Variants in CACNA1A observed in about 807,000 individuals in gnomAD.
The protein encoded by CACNA1A is voltage-dependent P/Q-type calcium channel subunit alpha-1A.
A neutral mutation model predicts 262.4 loss-of-function variants in CACNA1A; 57 were observed. The observed-to-expected ratio is 0.22, with a 90% confidence interval of 0.18 to 0.27. The LOEUF (loss-of-function observed/expected upper bound fraction) is 0.27, where lower values mean the gene tolerates loss of function less well. Among genes scored for constraint, CACNA1A ranks in the 10% least tolerant of loss-of-function variants. The pLI, the probability that CACNA1A is intolerant of heterozygous loss-of-function variation, is 1.00. For missense variants in CACNA1A, 2,526 were observed against 3,562.8 expected (o/e 0.71, Z 7.41); for synonymous variants, 1,431 against 1,419.3 (o/e 1.01, Z -0.18).
chr19:13,497,524 ATATATATATATAT>A, intron 1 of CACNA1A, among the ~76,000 whole-genome samples: 2 of 1,086 alleles, frequency 1.8e-3, no homozygotes, highest in Non-Finnish European at 2.9e-3. Flanking sequence ...AAAAAAAAAT[ATATATATATATAT>A]ATATATATAT....
chr19:13,428,840 T>C (rs1022755636), intron 3 of CACNA1A, among the ~76,000 whole-genome samples: 1 of 152,066 alleles, frequency 6.6e-6, no homozygotes, highest in Non-Finnish European at 1.5e-5. Flanking sequence ...TTCTACCATA[T>C]GTTCCCCCTG....
intron 3 of CACNA1A, among the ~76,000 whole-genome samples, chr19:13,424,361 C>A (rs189532985): frequency 6.6e-6 from 1 of 152,274 alleles, no homozygotes; most frequent in Non-Finnish European, 1.5e-5. Context: ...AAGAGTGAGA[C>A]TCCGTCACAA....
chr19:13,262,850 A>G lies in CACNA1A; in HGVS notation c.3990-17T>C. 2 of 1,566,572 alleles carry G rather than the reference A, an allele frequency of 1.3e-6. No homozygotes were observed. Among genetic ancestry groups the G allele is most frequent in the South Asian group, 1.1e-5 (1 of 88,826 alleles). On this transcript the variant is annotated splice_polypyrimidine_tract_variant and intron_variant, in intron 24 of 46. Coordinates refer to ENST00000360228, the MANE Select transcript of CACNA1A (RefSeq NM_001127222.2). ...CTATTGCCACTGTGGAGGAATGTTT[A>G]GGTGGGAAGAAGGGAAGAGAGGAAG...
At chr19:13,304,689 A>G (rs2057863083) in intron 15 of CACNA1A, among the ~76,000 whole-genome samples, 1 of 150,942 alleles carries the variant, frequency 6.6e-6, no homozygotes, top group Non-Finnish European at 1.5e-5. Flanking sequence ...GAACAGGAAG[A>G]AACATCACAA....
intron 1 of CACNA1A, among the ~76,000 whole-genome samples, chr19:13,482,848 T>TGTG (rs1979504694): frequency 6.0e-5 from 8 of 133,924 alleles, no homozygotes; most frequent in Non-Finnish European, 1.1e-4. Flanking sequence ...TTCTCTCAAC[T>TGTG]TGTGTGTGTG....
intron 6 of CACNA1A, among the ~76,000 whole-genome samples, chr19:13,343,128 C>A (rs2058704563): frequency 7.0e-6 from 1 of 142,406 alleles, no homozygotes; most frequent in Admixed American, 7.0e-5. Flanking sequence ...TTTTTTCTTT[C>A]TTTTTTTTTT....
intron 4 of CACNA1A, among the ~76,000 whole-genome samples, chr19:13,369,441 C>T (rs1461455827): frequency 6.6e-6 from 1 of 152,296 alleles, no homozygotes; most frequent in Non-Finnish European, 1.5e-5. Flanking sequence ...AAGAGCCGTC[C>T]CCCAATAAAG....
At chr19:13,453,876 T>C (rs1039785565) in intron 2 of CACNA1A, among the ~76,000 whole-genome samples, 3 of 152,228 alleles carry the variant, frequency 2.0e-5, no homozygotes, top group Non-Finnish European at 2.9e-5. Context: ...AATGGACGCT[T>C]TTTATTTAGC....
intron 3 of CACNA1A, among the ~76,000 whole-genome samples, chr19:13,447,731 C>T (rs2060841869): frequency 6.6e-6 from 1 of 152,236 alleles, no homozygotes; most frequent in South Asian, 2.1e-4. Context: ...GTCCATGAGT[C>T]CAAAAGCTGA....
chr19:13,389,555 G>C (rs959259856), intron 3 of CACNA1A, among the ~76,000 whole-genome samples: 20 of 152,156 alleles, frequency 1.3e-4, no homozygotes, highest in African/African-American at 4.8e-4. Context: ...CGCATCGCTG[G>C]AAACCCTTGG....
intron 24 of CACNA1A, chr19:13,271,286 T>A (rs961737257): frequency 6.7e-5 from 9 of 133,496 alleles, no homozygotes; most frequent in African/African-American, 2.2e-4. Context: ...AGTGGCACAA[T>A]CTTGGCTCAC....
At chr19:13,208,443 A>G (rs2054660720) in intron 46 of CACNA1A, among the ~76,000 whole-genome samples, 1 of 151,458 alleles carries the variant, frequency 6.6e-6, no homozygotes, top group Admixed American at 6.6e-5. Context: ...GGGTTAAAGG[A>G]AAGTGAAAGG....
intron 3 of CACNA1A, among the ~76,000 whole-genome samples, chr19:13,377,217 C>T (rs1246727249): frequency 6.6e-6 from 1 of 152,008 alleles, no homozygotes; most frequent in East Asian, 1.9e-4. Flanking sequence ...ACGCCTCGGC[C>T]TCCCAAAGTG....
intron 38 of CACNA1A, among the ~76,000 whole-genome samples, chr19:13,221,085 T>A (rs189185126): frequency 6.6e-6 from 1 of 150,516 alleles, no homozygotes; most frequent in African/African-American, 2.5e-5. Flanking sequence ...AAGGCACATA[T>A]GTCTCGAGGC....
chr19:13,242,932 A>G (rs1600154809), intron 31 of CACNA1A, among the ~76,000 whole-genome samples: 1 of 152,070 alleles, frequency 6.6e-6, no homozygotes, highest in African/African-American at 2.4e-5. Context: ...TCCCATGAAC[A>G]CCCCATGCCC....
At chr19:13,246,087 C>A (rs2056227645) in intron 30 of CACNA1A, among the ~76,000 whole-genome samples, 2 of 152,202 alleles carry the variant, frequency 1.3e-5, no homozygotes, top group Non-Finnish European at 2.9e-5. Context: ...GTGTTCAGGT[C>A]CCCACTAGGT....
intron 6 of CACNA1A, among the ~76,000 whole-genome samples, chr19:13,341,909 G>A (rs1004459298): frequency 6.6e-6 from 1 of 152,084 alleles, no homozygotes; most frequent in African/African-American, 2.4e-5. Flanking sequence ...AGCCCCCTAG[G>A]ACAACATCTG....
At chr19:13,280,206 C>T (rs377019343) in intron 22 of CACNA1A, among the ~76,000 whole-genome samples, 19 of 152,202 alleles carry the variant, frequency 1.2e-4, no homozygotes, top group East Asian at 1.2e-3. Flanking sequence ...GACAGGGTCT[C>T]GCTCTGTCAC....
intron 2 of CACNA1A, among the ~76,000 whole-genome samples, chr19:13,453,734 G>T (rs1257190902): frequency 6.6e-6 from 1 of 152,248 alleles, no homozygotes; most frequent in South Asian, 2.1e-4. Flanking sequence ...CTCCATCAGA[G>T]CCCCAATGTG....
Sources: allele counts gnomAD v4.1 joint callset (sites outside exome capture counted in the v4.1 genomes callset), GRCh38; gene constraint gnomAD v4.1.1; transcripts MANE v1.5; gene names NCBI Gene and HGNC (gene_info 2026-07-23, HGNC 2026-07-21).